Variants in DOCK7 observed in about 807,000 individuals in gnomAD.
DOCK7 encodes the protein dedicator of cytokinesis protein 7.
In DOCK7, 138 loss-of-function variants were observed where a neutral mutation model predicts 271.0. The observed-to-expected ratio is 0.51, with a 90% CI of 0.44 to 0.59. The LOEUF (loss-of-function observed/expected upper bound fraction) is 0.59. DOCK7 is among the 20% of genes least tolerant of loss of function. The pLI, the probability that DOCK7 is intolerant of heterozygous loss-of-function variation, is 0.00. For missense variants in DOCK7, 2,066 were observed against 2,592.4 expected (o/e 0.80, Z 4.41); for synonymous variants, 823 against 876.1 (o/e 0.94, Z 1.07).
chr1:62,540,485 T>C (rs1645493266), intron 25 of DOCK7, among the ~76,000 whole-genome samples: 2 of 152,144 alleles, frequency 1.3e-5, no homozygotes, highest in Non-Finnish European at 2.9e-5. Flanking sequence ...AAAAAAAGTT[T>C]AATTAAATTT....
intron 43 of DOCK7, among the ~76,000 whole-genome samples, chr1:62,480,788 T>G (rs1252832557): frequency 6.6e-6 from 1 of 152,012 alleles, no homozygotes; most frequent in East Asian, 1.9e-4. Flanking sequence ...GCGGGGGGGA[T>G]CACGAGGTCA....
Position 62,631,415 on chromosome 1 carries a change from A to G in DOCK7, c.1117-10T>C, listed in dbSNP as rs1654610410. On this transcript the variant is annotated splice_polypyrimidine_tract_variant and intron_variant, in intron 10 of 49. Transcript: ENST00000635253. ...CCAGTTTTTCTTTATTCTGCAAAAC[A>G]GAACTTTATACATTATATGATTATA... 1 of 1,588,120 alleles carries G rather than the reference A, an allele frequency of 6.3e-7. No individual in the cohort carries two copies. Among genetic ancestry groups the G allele is most frequent in the Admixed American group, 1.8e-5 (1 of 54,856 alleles).
chr1:62,556,406 A>C (rs1267255516), intron 20 of DOCK7, among the ~76,000 whole-genome samples: 1 of 152,014 alleles, frequency 6.6e-6, no homozygotes, highest in Non-Finnish European at 1.5e-5. Context: ...CTTTTGTTTA[A>C]AAAAATTAAA....
chr1:62,529,531 G>T, intron 29 of DOCK7, 85 bp from the exon 30 acceptor site: 2 of 1,049,886 alleles, frequency 1.9e-6, no homozygotes, highest in Non-Finnish European at 1.3e-6. Context: ...AGTAAGTCAT[G>T]GTATTGAATA....
At chr1:62,629,198 A>C (rs752959695) in intron 11 of DOCK7, 4 of 152,226 alleles carry the variant, frequency 2.6e-5, no homozygotes, top group Non-Finnish European at 5.9e-5. Context: ...CAAAAGATTA[A>C]GCACAGAATT....
chr1:62,670,102 C>G (rs185785675), intron 1 of DOCK7, among the ~76,000 whole-genome samples: 5,529 of 152,302 alleles, frequency 0.036, 235 homozygotes, highest in African/African-American at 0.1. Flanking sequence ...CTCGATTTCT[C>G]GCCGGGCCTT....
In DOCK7 at chr1:62,508,042, C is replaced by G. The variant is rs1557642816; in HGVS notation, c.4396G>C (p.Glu1466Gln). The G allele has an allele frequency of 6.2e-7, 1 of 1,610,534 alleles. No homozygotes were observed. Among genetic ancestry groups the G allele is most frequent in the East Asian group, 2.2e-5 (1 of 44,664 alleles). ...EKLDKSRAEIEHEALIDGNLA... is the reference protein window; with the variant it reads ...EKLDKSRAEIQHEALIDGNLA... ...TTTCCATCAATCAGTGCTTCGTGTT[C>G]AATCTCTGCTCTTGATCTAATACAA... Residue 1466 changes from glutamate (E) to glutamine (Q), a missense_variant, in exon 35 of 50, where the codon GAA becomes CAA. Coordinates refer to ENST00000635253, the MANE Select transcript of DOCK7 (RefSeq NM_001367561.1).
chr1:62,561,953 T>A (rs1339753463), intron 18 of DOCK7, among the ~76,000 whole-genome samples: 12 of 149,856 alleles, frequency 8.0e-5, no homozygotes, highest in Non-Finnish European at 1.5e-4. Context: ...TTCCCAGAGA[T>A]ATACCCCCTT....
chr1:62,547,367 C>T lies in DOCK7; in HGVS notation c.2767-2328G>A, dbSNP rs768789291. On this transcript the variant is annotated intron_variant, in intron 22 of 49. Coordinates refer to ENST00000635253, the MANE Select transcript of DOCK7 (RefSeq NM_001367561.1). ...TTTATGTTTACCAATTTCCAACAAA[C>T]ATGGAACAGATTAACCAAATGTGTG... 4.4e-4 allele frequency among the ~76,000 whole-genome samples: 67 copies of T among 152,180 alleles called. 2 individuals are homozygous for T. The highest frequency in any genetic ancestry group is 2.0e-4 in the Admixed American group (3 of 15,282).
In DOCK7 at chr1:62,584,304, T is replaced by A. The variant is rs554191853; in HGVS notation, c.1801-1050A>T. 472 of 979,414 alleles carry A rather than the reference T, an allele frequency of 4.8e-4. 1 individual carries two copies. In the Middle Eastern group the frequency reaches 6.3e-3, roughly 13 times the overall value. The allele number at this position is 979,414 out of a possible 1,614,324, so 60.7% of individuals were successfully genotyped here. A position where few individuals can be genotyped will look rare whatever the true frequency, so the allele number is the denominator to read the frequency against. ...TCATCAATTTACAAATACCTTAGTA[T>A]GTTTTCATAAATTGTTCCTGTGCCA... On this transcript the variant is annotated intron_variant, in intron 15 of 49. Coordinates refer to ENST00000635253, the MANE Select transcript of DOCK7 (RefSeq NM_001367561.1).
chr1:62,636,655 G>A (rs756370345), intron 7 of DOCK7, 52 bp from the exon 8 acceptor site: 117 of 1,420,332 alleles, frequency 8.2e-5, no homozygotes, highest in Non-Finnish European at 1.0e-4. Context: ...GAAATACACA[G>A]TTGGAGAGAA....
In DOCK7 at chr1:62,497,909, T is replaced by G. The variant is rs570299203; in HGVS notation, c.4765-1412A>C. Among the ~76,000 whole-genome samples the G allele has an allele frequency of 5.2e-4, 79 of 152,206 alleles. 1 individual carries two copies. In the South Asian group the frequency reaches 0.016, roughly 32 times the overall value. ...ATAATTCATAGTTGGCTAGGCCTTT[T>G]CAATTACACCTTTATCCCTTACTCT... On this transcript the variant is annotated intron_variant, in intron 37 of 49. Coordinates refer to ENST00000635253, the MANE Select transcript of DOCK7 (RefSeq NM_001367561.1).
intron 14 of DOCK7, among the ~76,000 whole-genome samples, chr1:62,594,934 A>G (rs914065050): frequency 6.6e-6 from 1 of 152,182 alleles, no homozygotes; most frequent in African/African-American, 2.4e-5. Flanking sequence ...TGAAATATGT[A>G]TTTCATGACC....
intron 15 of DOCK7, chr1:62,584,230 G>C (rs775854442): frequency 3.1e-6 from 3 of 979,528 alleles, no homozygotes; most frequent in South Asian, 4.7e-5. Context: ...TTTATTTTAA[G>C]GGTATGTACA....
At chr1:62,506,330 C>T (rs941066200) in intron 35 of DOCK7, among the ~76,000 whole-genome samples, 3 of 152,178 alleles carry the variant, frequency 2.0e-5, no homozygotes, top group African/African-American at 7.2e-5. Context: ...GAAATGTACT[C>T]TGTCCCTGCT....
At chr1:62,563,904 A>G (rs1274134128) in intron 18 of DOCK7, among the ~76,000 whole-genome samples, 2 of 131,062 alleles carry the variant, frequency 1.5e-5, no homozygotes, top group Non-Finnish European at 3.2e-5. Context: ...AAAAAAAAAA[A>G]GGCAGGCGTT....
At chr1:62,597,962 T>C (rs755889096) in intron 14 of DOCK7, 3 of 1,556,632 alleles carry the variant, frequency 1.9e-6, no homozygotes, top group Non-Finnish European at 2.6e-6. Context: ...AAGAAAAAAT[T>C]CTACTTCAAC....
At chr1:62,577,630 C>A (rs964711496) in intron 17 of DOCK7, among the ~76,000 whole-genome samples, 1 of 151,944 alleles carries the variant, frequency 6.6e-6, no homozygotes, top group Admixed American at 6.6e-5. Context: ...AAAAGTTGGT[C>A]TTAGAAAAAA....
At chr1:62,638,147 T>C (rs375841597) in intron 7 of DOCK7, among the ~76,000 whole-genome samples, 1 of 152,172 alleles carries the variant, frequency 6.6e-6, no homozygotes. Flanking sequence ...GGTTGGCCCA[T>C]TTTTCTATTT....
Sources: allele counts gnomAD v4.1 joint callset (sites outside exome capture counted in the v4.1 genomes callset), GRCh38; gene constraint gnomAD v4.1.1; transcripts MANE v1.5; gene names NCBI Gene and HGNC (gene_info 2026-07-23, HGNC 2026-07-21).